The following TIAM2 variants were observed in gnomAD, a reference collection of about 807,000 sequenced individuals.
The protein encoded by TIAM2 is TIAM Rac1 associated GEF 2.
A neutral mutation model predicts 152.9 loss-of-function variants in TIAM2; 80 were observed. That is an observed-to-expected ratio of 0.52 (90% confidence interval 0.44 to 0.63). The LOEUF (loss-of-function observed/expected upper bound fraction) is 0.63. Among genes scored for constraint, TIAM2 ranks in the 30% least tolerant of loss-of-function variants. The pLI is 0.00. For synonymous variants in TIAM2, 804 were observed against 838.0 expected (o/e 0.96, Z 0.70); for missense variants, 1,965 against 2,120.1 (o/e 0.93, Z 1.44).
chr6:155,190,676 A>C (rs1781175384), intron 14 of TIAM2, among the ~76,000 whole-genome samples: 1 of 152,246 alleles, frequency 6.6e-6, no homozygotes, highest in South Asian at 2.1e-4. Flanking sequence ...CACTGTGTGA[A>C]ATATCTGTTG....
rs577949686 is a variant in TIAM2 at position 155,165,851 on chromosome 6, TTA to T, written c.2361+443_2361+444del. ...CAACTCTTAGCATGCACTTTTTTTT[TTA>T]ACCCAACGAAACTGCACAAGTTGCC... On this transcript the variant is annotated intron_variant, in intron 9 of 26. Coordinates refer to ENST00000682666, the MANE Select transcript of TIAM2 (RefSeq NM_012454.4). 2.0e-3 allele frequency among the ~76,000 whole-genome samples: 308 copies of T among 152,206 alleles called. 2 individuals are homozygous for T. Among genetic ancestry groups the T allele is most frequent in the African/African-American group, 6.8e-3 (283 of 41,528 alleles).
At chr6:155,171,201 A>C (rs1007585791) in intron 9 of TIAM2, among the ~76,000 whole-genome samples, 1 of 152,370 alleles carries the variant, frequency 6.6e-6, no homozygotes, top group Middle Eastern at 3.4e-3. Flanking sequence ...ACAGCCCAAC[A>C]GTGAGTCACC....
At chr6:155,038,809 G>A (rs561401649) in intron 1 of TIAM2, among the ~76,000 whole-genome samples, 9 of 152,102 alleles carry the variant, frequency 5.9e-5, no homozygotes, top group South Asian at 4.2e-4. Flanking sequence ...GTGCACACCT[G>A]TAGTCCCAGC....
chr6:155,001,840 A>T (rs1222654322), intron 1 of TIAM2, among the ~76,000 whole-genome samples: 2 of 152,248 alleles, frequency 1.3e-5, no homozygotes, highest in East Asian at 3.8e-4. Context: ...GTAAAACTCG[A>T]ATTTTGAAGC....
intron 3 of TIAM2, among the ~76,000 whole-genome samples, chr6:155,128,105 C>T (rs1481132392): frequency 6.6e-6 from 1 of 152,172 alleles, no homozygotes; most frequent in Non-Finnish European, 1.5e-5. Flanking sequence ...CTAATAGACT[C>T]CTTGAGCAAA....
At chr6:155,153,641 T>TTTG (rs1780031693) in intron 7 of TIAM2, among the ~76,000 whole-genome samples, 1 of 147,346 alleles carries the variant, frequency 6.8e-6, no homozygotes, top group East Asian at 2.0e-4. Flanking sequence ...TTTTTTTTTT[T>TTTG]GACAGAGTCT....
At chr6:155,014,669 T>A (rs1203150012) in intron 1 of TIAM2, among the ~76,000 whole-genome samples, 1 of 152,194 alleles carries the variant, frequency 6.6e-6, no homozygotes, top group East Asian at 1.9e-4. Flanking sequence ...CAATTGTGAG[T>A]TCTTGTCATT....
intron 1 of TIAM2, among the ~76,000 whole-genome samples, chr6:155,056,241 G>T (rs1309974597): frequency 7.2e-6 from 1 of 139,778 alleles, no homozygotes; most frequent in African/African-American, 2.8e-5. Context: ...GCGCGATCTC[G>T]GCTCACTGCA....
chr6:155,244,923 C>T (rs757212278), intron 18 of TIAM2, 140 bp downstream of exon 18: 14 of 1,099,714 alleles, frequency 1.3e-5, no homozygotes, highest in Non-Finnish European at 1.7e-5. Context: ...TTCCTTGCAC[C>T]GTTTTCCTCT....
intron 2 of TIAM2, among the ~76,000 whole-genome samples, chr6:155,104,040 A>ACACACC (rs1562316893): frequency 6.9e-5 from 4 of 57,716 alleles, no homozygotes; most frequent in African/African-American, 1.5e-4. Flanking sequence ...ACACACACAC[A>ACACACC]CCCCCCCCCC....
intron 15 of TIAM2, among the ~76,000 whole-genome samples, chr6:155,220,406 C>T (rs919302466): frequency 3.3e-5 from 5 of 152,158 alleles, no homozygotes; most frequent in African/African-American, 9.7e-5. Flanking sequence ...TTGAGCCTGG[C>T]GAGGCTGGTC....
intron 26 of TIAM2, 112 bp downstream of exon 26, chr6:155,254,685 A>AC (rs1783889823): frequency 2.9e-6 from 4 of 1,364,890 alleles, no homozygotes; most frequent in Non-Finnish European, 4.0e-6. Flanking sequence ...TCATCGAGGT[A>AC]CCTTTATCTC....
rs118136237 is a variant in TIAM2 at position 155,029,354 on chromosome 6, G to A, written c.-209+33862G>A. On this transcript the variant is annotated intron_variant, in intron 1 of 26. Transcript: ENST00000682666. ...TATGTGTTATATATAATATATATAC[G>A]TTATATATAATATATACTATATATA... Among the ~76,000 whole-genome samples the A allele has an allele frequency of 8.5e-3, 489 of 57,206 alleles. 60 individuals are homozygous for A. The highest frequency in any genetic ancestry group is 0.033 in the African/African-American group (430 of 12,938). 37.5% of individuals were successfully genotyped at this position (57,206 alleles called of 152,430 possible). A position where few individuals can be genotyped will look rare whatever the true frequency, so the allele number is the denominator to read the frequency against.
At chr6:155,098,358 A>G (rs59944590) in intron 2 of TIAM2, among the ~76,000 whole-genome samples, 2,102 of 152,160 alleles carry the variant, frequency 0.014, 38 homozygotes, top group African/African-American at 0.047. Context: ...TTATTTTATC[A>G]GTGTGTTACA....
chr6:155,056,883 A>G (rs187086257), intron 1 of TIAM2, among the ~76,000 whole-genome samples: 92 of 152,058 alleles, frequency 6.1e-4, no homozygotes, highest in Admixed American at 2.9e-3. Flanking sequence ...ATATCATATT[A>G]CATATAGTCA....
Position 155,257,044 on chromosome 6 carries a change from G to C in TIAM2, c.5029G>C (p.Glu1677Gln). The C allele has an allele frequency of 6.2e-7, 1 of 1,614,176 alleles. No homozygotes were observed. Among genetic ancestry groups the C allele is most frequent in the Non-Finnish European group, 8.5e-7 (1 of 1,180,026 alleles). Reference sequence around the variant, plus strand: ...CGACCTAAATTCTGTTCTAGAGCGAGAATTCAGTGTCCAGAGTTTAACATC... The same window carrying C: ...CGACCTAAATTCTGTTCTAGAGCGACAATTCAGTGTCCAGAGTTTAACATC... ...TIDLNSVLEREFSVQSLTSVV... is the reference protein window; with the variant it reads ...TIDLNSVLERQFSVQSLTSVV... Residue 1677 changes from glutamate (E) to glutamine (Q), a missense_variant, in exon 27 of 27, where the codon GAA (glutamate) becomes CAA (glutamine). Glu to Gln is a conservative substitution (Grantham distance 29). Coordinates refer to ENST00000682666, the MANE Select transcript of TIAM2 (RefSeq NM_012454.4).
chr6:155,248,597 C>T (rs1783470525), intron 20 of TIAM2, among the ~76,000 whole-genome samples: 1 of 152,230 alleles, frequency 6.6e-6, no homozygotes, highest in Non-Finnish European at 1.5e-5. Context: ...TTGGGTGAGG[C>T]TCCACCTTGT....
At chr6:155,024,034 A>C (rs1776549680) in intron 1 of TIAM2, among the ~76,000 whole-genome samples, 1 of 152,120 alleles carries the variant, frequency 6.6e-6, no homozygotes, top group Non-Finnish European at 1.5e-5. Flanking sequence ...TCTCCAGGAC[A>C]GATTCCCTCC....
At chr6:155,079,912 C>T (rs968175857) in intron 1 of TIAM2, among the ~76,000 whole-genome samples, 2 of 152,198 alleles carry the variant, frequency 1.3e-5, no homozygotes, top group Non-Finnish European at 2.9e-5. Flanking sequence ...TGTGCCACTG[C>T]ACTCCAGCCT....
Sources: gnomAD v4.1 joint callset for allele counts (sites outside exome capture counted in the v4.1 genomes callset) on GRCh38, gnomAD v4.1.1 for gene constraint, MANE v1.5 for transcripts, NCBI Gene and HGNC (gene_info 2026-07-23, HGNC 2026-07-21) for gene names.